MRPL48: variants seen among roughly 807,000 people sequenced by gnomAD.
MRPL48 encodes large ribosomal subunit protein mL48.
Under a neutral mutation model 32.9 loss-of-function variants are expected in MRPL48, and 16 were observed. The observed-to-expected ratio is 0.49, with a 90% CI of 0.33 to 0.74. The LOEUF (loss-of-function observed/expected upper bound fraction) is 0.74, where lower values mean the gene tolerates loss of function less well. MRPL48 is among the 30% of genes least tolerant of loss of function. The pLI, the probability that MRPL48 is intolerant of heterozygous loss-of-function variation, is 0.02. For missense variants in MRPL48, 206 were observed against 245.3 expected (o/e 0.84, Z 1.07); for synonymous variants, 94 against 89.2 (o/e 1.05, Z -0.31).
intron 1 of MRPL48, among the ~76,000 whole-genome samples, chr11:73,804,287 T>C (rs558565436): frequency 1.3e-5 from 2 of 151,468 alleles, no homozygotes; most frequent in East Asian, 2.0e-4. Context: ...CAGTCCTCTT[T>C]TTTTTTTGAG....
intron 4 of MRPL48, among the ~76,000 whole-genome samples, chr11:73,838,018 A>AT (rs1948133266): frequency 6.6e-6 from 1 of 151,814 alleles, no homozygotes; most frequent in African/African-American, 2.4e-5. Flanking sequence ...CGCCTGGCTA[A>AT]TTTTTTTGTA....
At chr11:73,863,125 G>A (rs375899391) in intron 6 of MRPL48, 47 bp from the exon 7 acceptor site, 199 of 1,515,410 alleles carry the variant, frequency 1.3e-4, no homozygotes, top group Middle Eastern at 1.3e-3. Flanking sequence ...CAGTTACCTC[G>A]TTTTCAGCTC....
At chr11:73,852,440 C>T (rs7946245) in intron 5 of MRPL48, among the ~76,000 whole-genome samples, 4 of 139,546 alleles carry the variant, frequency 2.9e-5, no homozygotes, top group African/African-American at 2.6e-5. Context: ...ATTTAAAAAT[C>T]GACAAAAGAT....
chr11:73,795,307 C>T (rs1947235129), intron 1 of MRPL48, among the ~76,000 whole-genome samples: 1 of 152,034 alleles, frequency 6.6e-6, no homozygotes, highest in African/African-American at 2.4e-5. Flanking sequence ...AGGTGATCCA[C>T]CTGCCTCCGC....
chr11:73,812,103 G>T (rs892481129), intron 3 of MRPL48, among the ~76,000 whole-genome samples: 1 of 152,094 alleles, frequency 6.6e-6, no homozygotes, highest in East Asian at 1.9e-4. Context: ...AGCCAGGATG[G>T]TCTAGATCTC....
At chr11:73,830,839 C>CTCTTTCTT (rs532178771) in intron 4 of MRPL48, among the ~76,000 whole-genome samples, 2 of 151,570 alleles carry the variant, frequency 1.3e-5, no homozygotes, top group East Asian at 3.9e-4. Flanking sequence ...CTGTTTTTAT[C>CTCTTTCTT]TCTTTCTTTC....
At chr11:73,819,110 T>A (rs1019913339) in intron 3 of MRPL48, among the ~76,000 whole-genome samples, 1 of 152,206 alleles carries the variant, frequency 6.6e-6, no homozygotes, top group Admixed American at 6.5e-5. Context: ...AATTTTATAA[T>A]TAAAACAACT....
chr11:73,818,203 C>A (rs986195488), intron 3 of MRPL48, among the ~76,000 whole-genome samples: 18 of 151,688 alleles, frequency 1.2e-4, no homozygotes, highest in Non-Finnish European at 2.2e-4. Flanking sequence ...CTGCCTTCAC[C>A]CATCCACTCC....
intron 1 of MRPL48, among the ~76,000 whole-genome samples, chr11:73,796,145 C>T (rs1431300478): frequency 6.6e-6 from 1 of 152,158 alleles, no homozygotes; most frequent in Admixed American, 6.5e-5. Context: ...GGGCGGTGCC[C>T]AAGTCATGGC....
At chr11:73,860,757 C>T (rs552572842) in intron 6 of MRPL48, among the ~76,000 whole-genome samples, 78 of 152,226 alleles carry the variant, frequency 5.1e-4, no homozygotes, top group Non-Finnish European at 1.3e-4. Context: ...TTGAAGTATA[C>T]AATAAAAACG....
chr11:73,801,392 C>T (rs1182092804), intron 1 of MRPL48, among the ~76,000 whole-genome samples: 1 of 152,050 alleles, frequency 6.6e-6, no homozygotes, highest in African/African-American at 2.4e-5. Flanking sequence ...CTGGCCTGAC[C>T]TCTCCTGGGG....
intron 1 of MRPL48, among the ~76,000 whole-genome samples, chr11:73,799,463 T>G (rs189088834): frequency 5.1e-4 from 77 of 152,326 alleles, no homozygotes; most frequent in African/African-American, 1.8e-3. Context: ...ATATAGTATA[T>G]AGTAGTAGAG....
intron 3 of MRPL48, among the ~76,000 whole-genome samples, chr11:73,819,038 C>T (rs1372007328): frequency 7.9e-5 from 12 of 152,304 alleles, no homozygotes; most frequent in Middle Eastern, 3.4e-3. Flanking sequence ...CACTTATTGA[C>T]ATGACACAGG....
intron 7 of MRPL48, among the ~76,000 whole-genome samples, chr11:73,863,629 G>T (rs953894165): frequency 4.6e-5 from 7 of 152,192 alleles, no homozygotes; most frequent in African/African-American, 7.2e-5. Flanking sequence ...TAGAGAAAAG[G>T]TTCCTGGATC....
chr11:73,799,389 T>A (rs1360331920), intron 1 of MRPL48, among the ~76,000 whole-genome samples: 2 of 152,064 alleles, frequency 1.3e-5, no homozygotes, highest in Admixed American at 1.3e-4. Context: ...AAGGTGTTGT[T>A]CATCTTGGAA....
intron 3 of MRPL48, among the ~76,000 whole-genome samples, chr11:73,814,866 A>G (rs748089226): frequency 4.0e-5 from 6 of 148,486 alleles, no homozygotes; most frequent in Non-Finnish European, 8.9e-5. Context: ...TGGTGGTCAC[A>G]CGCCCATAAT....
At chr11:73,821,608 C>T (rs964128506) in intron 3 of MRPL48, among the ~76,000 whole-genome samples, 14 of 152,124 alleles carry the variant, frequency 9.2e-5, no homozygotes, top group African/African-American at 3.4e-4. Context: ...CTCTAAGAAC[C>T]CTTTCCTGGC....
At chr11:73,806,938 C>T (rs1466574404) in intron 2 of MRPL48, among the ~76,000 whole-genome samples, 1 of 151,860 alleles carries the variant, frequency 6.6e-6, no homozygotes, top group Non-Finnish European at 1.5e-5. Flanking sequence ...GGCACTATCT[C>T]AGTTCACTGC....
chr11:73,805,032 G>A lies in MRPL48; in HGVS notation c.27G>A (p.Leu9=), dbSNP rs752379913. ...ACATGGCTGTTTTGCTGTAGGTGCT[G>A]TGCCTGAGGAACAATACCATTTTTA... is the stretch of plus-strand genomic sequence containing the variant. The part of the protein sequence containing the change: MSGTLEKV[L]CLRNNTIFKQ... The change falls in exon 2 of 8, where the codon CTG becomes CTA. Residue 9 remains leucine, a synonymous_variant. Coordinates refer to ENST00000310614, the MANE Select transcript of MRPL48 (RefSeq NM_016055.6). 8 of 1,591,016 alleles carry A rather than the reference G, an allele frequency of 5.0e-6. No individual in the cohort carries two copies. In the South Asian group the frequency reaches 9.1e-5, roughly 18 times the overall value.
Sources: allele counts gnomAD v4.1 joint callset (sites outside exome capture counted in the v4.1 genomes callset), GRCh38; gene constraint gnomAD v4.1.1; transcripts MANE v1.5; gene names NCBI Gene and HGNC (gene_info 2026-07-23, HGNC 2026-07-21).